The following PCDHA3 variants were observed in gnomAD, a reference collection of about 807,000 sequenced individuals.
PCDHA3 encodes protocadherin alpha 3.
Under a neutral mutation model 62.2 loss-of-function variants are expected in PCDHA3, and 41 were observed. That is an observed-to-expected ratio of 0.66 (90% CI 0.51 to 0.86). PCDHA3 has a LOEUF of 0.86. Ranked by LOEUF, PCDHA3 falls within the 40% of genes least tolerant of loss-of-function variation. The probability of loss-of-function intolerance (pLI) is 0.00; values close to 1 mark genes in which losing one functional copy is unlikely to be tolerated. For synonymous variants in PCDHA3, 640 were observed against 555.4 expected (o/e 1.15, Z -2.14); for missense variants, 1,304 against 1,241.2 (o/e 1.05, Z -0.76).
intron 1 of PCDHA3, chr5:140,807,928 T>C (rs1183816260): frequency 1.2e-6 from 2 of 1,614,026 alleles, no homozygotes; most frequent in African/African-American, 2.7e-5. Flanking sequence ...GAACCATTTA[T>C]AAGGTGAGAT....
rs1554168160 is a variant in PCDHA3 at position 140,875,992 on chromosome 5, CT to C, written c.2394+72402del. 5 of 1,613,752 alleles carry C rather than the reference CT, an allele frequency of 3.1e-6. No homozygotes were observed. In the Admixed American group the frequency reaches 8.3e-5, roughly 27 times the overall value. On this transcript the variant is annotated intron_variant, in intron 1 of 3. Transcript: ENST00000522353. ...CTCTCTTTTGACCTATGCGTTAAGT[CT>C]AAATGAGAATTTTGAGCTTAAAATA...
intron 3 of PCDHA3, among the ~76,000 whole-genome samples, chr5:140,996,553 A>C (rs868960335): frequency 1.3e-5 from 2 of 152,172 alleles, no homozygotes; most frequent in African/African-American, 2.4e-5. Flanking sequence ...TGCTGTCACT[A>C]TCTTGAAGTT....
At chr5:140,822,161 C>G in intron 1 of PCDHA3, 1 of 1,614,240 alleles carries the variant, frequency 6.2e-7, no homozygotes, top group Non-Finnish European at 8.5e-7. Context: ...AATGACAATC[C>G]GCCCAGGTTC....
Position 140,843,193 on chromosome 5 carries a change from G to A in PCDHA3, c.2394+39602G>A, listed in dbSNP as rs2150355040. The A allele has an allele frequency of 5.0e-6, 8 of 1,595,932 alleles. 1 individual carries two copies. The highest frequency in any genetic ancestry group is 6.9e-6 in the Non-Finnish European group (8 of 1,165,582). On this transcript the variant is annotated intron_variant, in intron 1 of 3. Transcript: ENST00000522353. ...GCAGCCCTCGCATCCCGTTCCGCGTGGGGCTGTACACGGGCGAGATCAGCA... is the reference window on the plus strand; with the variant it reads ...GCAGCCCTCGCATCCCGTTCCGCGTAGGGCTGTACACGGGCGAGATCAGCA...
At chr5:140,967,989 T>G (rs781892084) in intron 1 of PCDHA3, 2 of 1,614,228 alleles carry the variant, frequency 1.2e-6, no homozygotes, top group Non-Finnish European at 1.7e-6. Flanking sequence ...GAGGCCACAC[T>G]GCCTTTCCGA....
At chr5:140,981,537 G>A (rs375537131) in intron 2 of PCDHA3, among the ~76,000 whole-genome samples, 2 of 152,172 alleles carry the variant, frequency 1.3e-5, no homozygotes, top group East Asian at 1.9e-4. Flanking sequence ...TCGTGCCACT[G>A]TACTCCAGCC....
At chr5:140,831,169 T>C (rs1771407400) in intron 1 of PCDHA3, 1 of 152,190 alleles carries the variant, frequency 6.6e-6, no homozygotes, top group Admixed American at 6.6e-5. Context: ...AATGGAAAAA[T>C]AGTGATTCAA....
intron 1 of PCDHA3, chr5:140,850,389 A>G (rs2150482026): frequency 7.5e-6 from 12 of 1,597,864 alleles, no homozygotes; most frequent in Non-Finnish European, 1.0e-5. Flanking sequence ...GGGCGAGATC[A>G]GCACAACGCG....
rs2150239032 is a variant in PCDHA3 at position 140,835,597 on chromosome 5, A to G, written c.2394+32006A>G. The G allele has an allele frequency of 3.1e-6, 5 of 1,613,762 alleles. No individual in the cohort carries two copies. Among genetic ancestry groups the G allele is most frequent in the East Asian group, 2.2e-5 (1 of 44,812 alleles). On this transcript the variant is annotated intron_variant, in intron 1 of 3. Coordinates refer to ENST00000522353, the MANE Select transcript of PCDHA3 (RefSeq NM_018906.3). ...TTGGTGTCCACCTTCAAGAATTACT[A>G]TTCATTGGTGCTGGACAGCGCTCTG...
chr5:140,837,446 TA>T (rs1775051312), intron 1 of PCDHA3, among the ~76,000 whole-genome samples: 1 of 151,960 alleles, frequency 6.6e-6, no homozygotes, highest in South Asian at 2.1e-4. Flanking sequence ...TAGTACGTAG[TA>T]AAAAATCTCC....
At position 140,829,344 on chromosome 5, in the gene PCDHA3, T is replaced by A. The variant is rs2150166277; in HGVS notation, c.2394+25753T>A. 3.7e-6 allele frequency: 6 copies of A among 1,614,240 alleles called. No homozygotes were observed. The Middle Eastern group carries it at 8.3e-4, about 222-fold the overall frequency. On this transcript the variant is annotated intron_variant, in intron 1 of 3. Coordinates refer to ENST00000522353, the MANE Select transcript of PCDHA3 (RefSeq NM_018906.3). ...GACAGTGCCCTGGACCGCGAGAGCG[T>A]GTCGGCCTATGAGTTGGTGGTAACC...
intron 1 of PCDHA3, among the ~76,000 whole-genome samples, chr5:140,943,803 G>A (rs1429767850): frequency 6.6e-6 from 1 of 152,214 alleles, no homozygotes; most frequent in Non-Finnish European, 1.5e-5. Flanking sequence ...AAGCAAAAGA[G>A]GAAAGTTTGA....
chr5:140,851,939 T>C lies in PCDHA3; in HGVS notation c.2394+48348T>C, dbSNP rs1034912000. ...ATGTTATGTTTCCTGAATTGTAGTATGTGACTTTCAAAATGGTGGTTTTCC... is the reference window on the plus strand; with the variant it reads ...ATGTTATGTTTCCTGAATTGTAGTACGTGACTTTCAAAATGGTGGTTTTCC... On this transcript the variant is annotated intron_variant, in intron 1 of 3. Transcript: ENST00000522353. The C allele has an allele frequency of 2.2e-4, 214 of 966,074 alleles. 16 individuals carry two copies. The highest frequency in any genetic ancestry group is 1.3e-3 in the Admixed American group (21 of 15,930). The allele number at this position is 966,074 out of a possible 1,614,324, so 59.8% of individuals were successfully genotyped here.
intron 1 of PCDHA3, chr5:140,884,715 AGTT>A: frequency 6.8e-7 from 1 of 1,470,936 alleles, no homozygotes; most frequent in Non-Finnish European, 9.0e-7. Context: ...CCTTCCTTGC[AGTT>A]GTTTGTTTAA....
rs2098417418 is a variant in PCDHA3, at chr5:141,010,475, T to A, written c.*538T>A. On this transcript the variant is annotated 3_prime_UTR_variant, in exon 4 of 4. Coordinates refer to ENST00000522353, the MANE Select transcript of PCDHA3 (RefSeq NM_018906.3). ...GGAAGTTATCAGTATGGAGGGGAAG[T>A]GTAAACTTAAAGGGACCAGACTTTC... 16 of 757,310 alleles carry A rather than the reference T, an allele frequency of 2.1e-5. No homozygotes were observed. The highest frequency in any genetic ancestry group is 3.0e-5 in the Non-Finnish European group (15 of 502,774). 46.9% of individuals were successfully genotyped at this position (757,310 alleles called of 1,614,324 possible). A position where few individuals can be genotyped will look rare whatever the true frequency, so the allele number is the denominator to read the frequency against.
rs781992926 is a variant in PCDHA3 at position 140,990,008 on chromosome 5, G to A, written c.2542+7445G>A. On this transcript the variant is annotated intron_variant, in intron 3 of 3. Coordinates refer to ENST00000522353, the MANE Select transcript of PCDHA3 (RefSeq NM_018906.3). ...CCTGAAATTGTCTATCTCCAAGGGCGTGGGCTAGGCAAAGGATGGGAGAAG... is the reference window on the plus strand; with the variant it reads ...CCTGAAATTGTCTATCTCCAAGGGCATGGGCTAGGCAAAGGATGGGAGAAG... Among the ~76,000 whole-genome samples the A allele has an allele frequency of 2.8e-4, 43 of 152,230 alleles. 1 individual carries two copies. The highest frequency in any genetic ancestry group is 9.1e-4 in the African/African-American group (38 of 41,532).
chr5:140,833,326 A>G (rs1772407379), intron 1 of PCDHA3, among the ~76,000 whole-genome samples: 1 of 152,216 alleles, frequency 6.6e-6, no homozygotes, highest in Non-Finnish European at 1.5e-5. Flanking sequence ...GCCATTGGGA[A>G]CATTGGAGTG....
intron 1 of PCDHA3, among the ~76,000 whole-genome samples, chr5:140,885,388 A>G (rs1187514037): frequency 2.0e-5 from 3 of 152,166 alleles, no homozygotes; most frequent in Admixed American, 2.0e-4. Context: ...CAGTCCCTGC[A>G]AATCTAATGG....
rs2150139188 is a variant in PCDHA3, at chr5:140,825,385, TATATATCTA to T, written c.2394+21801_2394+21809del. 711 of 143,548 alleles carry T rather than the reference TATATATCTA, an allele frequency of 5.0e-3. 7 individuals are homozygous for T. Among genetic ancestry groups the T allele is most frequent in the African/African-American group, 0.018 (686 of 38,434 alleles). The allele number at this position is 143,548 out of a possible 1,614,324, so 8.9% of individuals were successfully genotyped here. Reference sequence around the variant, plus strand: ...ATATATAAATATCTAAAATATCTAATATATATCTAATATATTATATATTTTATATAATAT... The same window carrying T: ...ATATATAAATATCTAAAATATCTAATATATATTATATATTTTATATAATAT... On this transcript the variant is annotated intron_variant, in intron 1 of 3. Coordinates refer to ENST00000522353, the MANE Select transcript of PCDHA3 (RefSeq NM_018906.3).
Sources: allele counts gnomAD v4.1 joint callset (sites outside exome capture counted in the v4.1 genomes callset), GRCh38; gene constraint gnomAD v4.1.1; transcripts MANE v1.5; gene names NCBI Gene and HGNC (gene_info 2026-07-23, HGNC 2026-07-21).